DOCK2: variants seen among roughly 807,000 people sequenced by gnomAD.
DOCK2 encodes dedicator of cytokinesis 2, also known as dedicator of cytokinesis protein 2.
A neutral mutation model predicts 248.9 loss-of-function variants in DOCK2; 87 were observed. That is an observed-to-expected ratio of 0.35 (90% confidence interval 0.29 to 0.42). DOCK2 has a LOEUF of 0.42. DOCK2 is among the 10% of genes least tolerant of loss of function. The pLI is 1.00. For missense variants in DOCK2, 1,747 were observed against 2,300.2 expected (o/e 0.76, Z 4.92); for synonymous variants, 805 against 821.6 (o/e 0.98, Z 0.35).
intron 25 of DOCK2, among the ~76,000 whole-genome samples, chr5:169,783,267 G>A (rs1327844672): frequency 1.3e-5 from 2 of 152,130 alleles, no homozygotes; most frequent in African/African-American, 4.8e-5. Context: ...ATTTTTTCAT[G>A]ATCTTGACTT....
intron 32 of DOCK2, among the ~76,000 whole-genome samples, chr5:170,017,801 G>A (rs1021765): frequency 0.034 from 5,229 of 152,298 alleles, 174 homozygotes; most frequent in African/African-American, 0.092. Context: ...CAGAGTTGGT[G>A]CCCTTAACCA....
At chr5:169,724,851 T>G (rs1297079498) in intron 22 of DOCK2, among the ~76,000 whole-genome samples, 1 of 152,052 alleles carries the variant, frequency 6.6e-6, no homozygotes, top group East Asian at 1.9e-4. Context: ...TCTTCCTATG[T>G]AAATATTGCA....
intron 49 of DOCK2, 196 bp from the exon 50 acceptor site, chr5:170,079,967 T>A: frequency 2.7e-6 from 2 of 749,730 alleles, no homozygotes; most frequent in Non-Finnish European, 4.1e-6. Context: ...CCGCCTGTAG[T>A]TGTGTAGTGT....
chr5:169,856,125 G>A (rs1561767673), intron 27 of DOCK2, among the ~76,000 whole-genome samples: 1 of 152,136 alleles, frequency 6.6e-6, no homozygotes, highest in Admixed American at 6.5e-5. Flanking sequence ...CTCTCACCAG[G>A]TCTCTCTGTC....
intron 27 of DOCK2, among the ~76,000 whole-genome samples, chr5:169,956,051 AAAG>A (rs911977665): frequency 6.6e-6 from 1 of 152,016 alleles, no homozygotes; most frequent in Non-Finnish European, 1.5e-5. Flanking sequence ...AAAAAAAAAA[AAAG>A]AGCCCAGGCT....
At chr5:169,808,287 G>A (rs1767523148) in intron 26 of DOCK2, among the ~76,000 whole-genome samples, 1 of 152,160 alleles carries the variant, frequency 6.6e-6, no homozygotes, top group Non-Finnish European at 1.5e-5. Context: ...AGTGCAGGAT[G>A]CCAAGCTTCC....
chr5:169,999,247 G>GA, intron 30 of DOCK2, among the ~76,000 whole-genome samples: 1 of 152,140 alleles, frequency 6.6e-6, no homozygotes, highest in South Asian at 2.1e-4. Context: ...CTTGCAAGCT[G>GA]AGTGACTTTA....
At chr5:169,768,719 C>G (rs893606174) in intron 25 of DOCK2, among the ~76,000 whole-genome samples, 1 of 152,210 alleles carries the variant, frequency 6.6e-6, no homozygotes, top group Non-Finnish European at 1.5e-5. Flanking sequence ...TGAGACTGTT[C>G]AGAAGGAAAA....
chr5:170,056,956 CT>C, intron 43 of DOCK2, 188 bp downstream of exon 43: 40 of 592,194 alleles, frequency 6.8e-5, no homozygotes, highest in Non-Finnish European at 8.0e-5. Flanking sequence ...TTTCTTGAGC[CT>C]TTTTCCCCTT....
At chr5:169,986,673 C>G (rs1249288557) in intron 29 of DOCK2, among the ~76,000 whole-genome samples, 1 of 152,210 alleles carries the variant, frequency 6.6e-6, no homozygotes, top group Non-Finnish European at 1.5e-5. Context: ...CCCCAAGCCT[C>G]TCTCAGAACC....
intron 2 of DOCK2, among the ~76,000 whole-genome samples, chr5:169,661,228 A>T (rs1454623738): frequency 6.6e-6 from 1 of 152,212 alleles, no homozygotes; most frequent in Non-Finnish European, 1.5e-5. Context: ...AGAAGAAAGT[A>T]TTAACAGGTC....
chr5:169,967,054 C>A (rs1777328134), intron 27 of DOCK2, among the ~76,000 whole-genome samples: 1 of 152,206 alleles, frequency 6.6e-6, no homozygotes, highest in African/African-American at 2.4e-5. Context: ...TCCTATGTGC[C>A]AGGCACTGTG....
intron 37 of DOCK2, among the ~76,000 whole-genome samples, chr5:170,041,650 A>G (rs974104167): frequency 6.6e-6 from 1 of 152,232 alleles, no homozygotes; most frequent in East Asian, 1.9e-4. Flanking sequence ...TCTCTGACTG[A>G]CACTGGCACC....
At chr5:169,681,608 C>G in intron 6 of DOCK2, 136 bp from the exon 7 acceptor site, 1 of 1,065,058 alleles carries the variant, frequency 9.4e-7, no homozygotes, top group East Asian at 2.5e-5. Context: ...AGCAGTGTCC[C>G]AGGCTATCAG....
At chr5:170,068,704 G>A (rs573689126) in intron 45 of DOCK2, among the ~76,000 whole-genome samples, 1 of 152,320 alleles carries the variant, frequency 6.6e-6, no homozygotes, top group Admixed American at 6.5e-5. Flanking sequence ...CCACCAGTGA[G>A]ATTCCTTACT....
chr5:169,682,160 A>T (rs1045249457), intron 7 of DOCK2, among the ~76,000 whole-genome samples: 1 of 152,286 alleles, frequency 6.6e-6, no homozygotes, highest in Non-Finnish European at 1.5e-5. Context: ...TAACAAAGTA[A>T]ATAAATAAGT....
rs564201821 is a variant in DOCK2, at chr5:169,726,503, T to C, written c.2267+7712T>C. On this transcript the variant is annotated intron_variant, in intron 22 of 51. Transcript: ENST00000520908. ...TTTCTTTTGCTGTGCAGAAGCTCTT[T>C]AGTTTAATTAGATCCCATTTGTCTA... Among the ~76,000 whole-genome samples, 270 of 152,356 alleles carry C rather than the reference T, an allele frequency of 1.8e-3. 3 individuals are homozygous for C. The highest frequency in any genetic ancestry group is 3.1e-3 in the Admixed American group (47 of 15,302).
intron 10 of DOCK2, among the ~76,000 whole-genome samples, chr5:169,696,354 G>A (rs750738608): frequency 2.0e-5 from 3 of 152,184 alleles, no homozygotes; most frequent in African/African-American, 4.8e-5. Context: ...AGATGGAAAC[G>A]GACATTTGGA....
chr5:169,981,754 A>G (rs1431677069), intron 27 of DOCK2, among the ~76,000 whole-genome samples: 1 of 152,196 alleles, frequency 6.6e-6, no homozygotes, highest in Non-Finnish European at 1.5e-5. Flanking sequence ...GAAGGCTCAG[A>G]TGATCATTAG....
Sources: gnomAD v4.1 joint callset for allele counts (sites outside exome capture counted in the v4.1 genomes callset) on GRCh38, gnomAD v4.1.1 for gene constraint, MANE v1.5 for transcripts, NCBI Gene and HGNC (gene_info 2026-07-23, HGNC 2026-07-21) for gene names.